The following RAB22A variants were observed in gnomAD, a reference collection of about 807,000 sequenced individuals.
The protein encoded by RAB22A is RAB22A, member RAS oncogene family.
RAB22A carries 13 observed loss-of-function variants against 30.2 expected under a neutral mutation model. The ratio of observed to expected loss-of-function variants is 0.43; its 90% CI spans 0.28 to 0.68. RAB22A has a LOEUF of 0.68. Among genes scored for constraint, RAB22A ranks in the 30% least tolerant of loss-of-function variants. The pLI, the probability that RAB22A is intolerant of heterozygous loss-of-function variation, is 0.18. For missense variants in RAB22A, 177 were observed against 246.8 expected, an observed-to-expected ratio of 0.72 and a Z score of 1.89; for synonymous variants, 89 against 87.2, an observed-to-expected ratio of 1.02 and a Z score of -0.11.
chr20:58,322,155 G>A (rs545476980), intron 2 of RAB22A, among the ~76,000 whole-genome samples: 1 of 152,254 alleles, frequency 6.6e-6, no homozygotes, highest in South Asian at 2.1e-4. Flanking sequence ...TCTCTCTTTT[G>A]TCCCTGGTAA....
intron 2 of RAB22A, among the ~76,000 whole-genome samples, chr20:58,321,382 T>C (rs1986457801): frequency 6.6e-6 from 1 of 151,960 alleles, no homozygotes; most frequent in African/African-American, 2.4e-5. Context: ...AAAAGTCTAT[T>C]GTGGTCAGAG....
intron 3 of RAB22A, among the ~76,000 whole-genome samples, chr20:58,347,804 C>CT (rs1335054378): frequency 6.6e-6 from 1 of 152,184 alleles, no homozygotes; most frequent in Non-Finnish European, 1.5e-5. Flanking sequence ...CAATTATCTC[C>CT]TTCAGTAACA....
chr20:58,314,617 G>T (rs1471954995), intron 2 of RAB22A, among the ~76,000 whole-genome samples: 1 of 152,062 alleles, frequency 6.6e-6, no homozygotes, highest in Non-Finnish European at 1.5e-5. Flanking sequence ...AAGACGGGTG[G>T]ATCACCTGAG....
chr20:58,359,948 G>T lies in RAB22A; in HGVS notation c.*245G>T. On this transcript the variant is annotated 3_prime_UTR_variant, in exon 7 of 7. Transcript: ENST00000244040. ...GACTACATCGTTGGCTTTTGACCTT[G>T]CTGAAAAGGAACATATAATTGTATG... 4.2e-6 allele frequency: 1 copy of T among 239,132 alleles called. No homozygotes were observed. The highest frequency in any genetic ancestry group is 8.1e-6 in the Non-Finnish European group (1 of 123,620). The allele number at this position is 239,132 out of a possible 1,614,324, so 14.8% of individuals were successfully genotyped here.
At chr20:58,353,227 T>C (rs746478019) in intron 3 of RAB22A, 46 bp from the exon 4 acceptor site, 3 of 1,521,998 alleles carry the variant, frequency 2.0e-6, no homozygotes, top group Non-Finnish European at 2.7e-6. Flanking sequence ...TAAAACATAT[T>C]TAACCAGTTT....
At chr20:58,341,848 T>C (rs953918023) in intron 2 of RAB22A, among the ~76,000 whole-genome samples, 4 of 152,212 alleles carry the variant, frequency 2.6e-5, no homozygotes, top group African/African-American at 7.2e-5. Flanking sequence ...TTCTTCTTCC[T>C]TTGAGCAGCC....
chr20:58,310,815 A>G lies in RAB22A; in HGVS notation c.37-228A>G, dbSNP rs140093133. 2.0e-3 allele frequency among the ~76,000 whole-genome samples: 310 copies of G among 152,350 alleles called. 1 individual carries two copies. The highest frequency in any genetic ancestry group is 7.2e-3 in the African/African-American group (298 of 41,580). ...CGAAGCAGAAACTTTGGGTCTCTCA[A>G]AAGGTCCTAATCTGTCTTAACGGCA... On this transcript the variant is annotated intron_variant, in intron 1 of 6. Transcript: ENST00000244040.
chr20:58,334,578 A>G (rs922647657), intron 2 of RAB22A, among the ~76,000 whole-genome samples: 5 of 151,924 alleles, frequency 3.3e-5, no homozygotes, highest in Non-Finnish European at 5.9e-5. Flanking sequence ...GGAAATGGGC[A>G]TGAGGAAACC....
At chr20:58,349,826 C>T (rs1191920742) in intron 3 of RAB22A, among the ~76,000 whole-genome samples, 1 of 152,190 alleles carries the variant, frequency 6.6e-6, no homozygotes, top group East Asian at 1.9e-4. Flanking sequence ...CCACACTGTC[C>T]AGTGGACAGT....
intron 2 of RAB22A, among the ~76,000 whole-genome samples, chr20:58,312,472 CTTTTTTTTTTTTTT>C (rs58198236): frequency 5.9e-4 from 23 of 38,746 alleles, no homozygotes; most frequent in Admixed American, 2.0e-3. Context: ...GGCTGGTTTT[CTTTTTTTTTTTTTT>C]TTTTTTTTTT....
At position 58,344,532 on chromosome 20, in the gene RAB22A, A is replaced by G. The variant is rs191677056; in HGVS notation, c.198+733A>G. ...CTGCCTCCCCTTTCCTCTGGGTACTAAGTCCAATTTCCCTTCCAAGGTGTC... is the reference window on the plus strand; with the variant it reads ...CTGCCTCCCCTTTCCTCTGGGTACTGAGTCCAATTTCCCTTCCAAGGTGTC... On this transcript the variant is annotated intron_variant, in intron 3 of 6. Transcript: ENST00000244040. 1.2e-3 allele frequency among the ~76,000 whole-genome samples: 176 copies of G among 152,216 alleles called. 1 individual carries two copies. The highest frequency in any genetic ancestry group is 4.2e-3 in the African/African-American group (174 of 41,532).
At chr20:58,337,015 T>C (rs1986768327) in intron 2 of RAB22A, among the ~76,000 whole-genome samples, 1 of 152,218 alleles carries the variant, frequency 6.6e-6, no homozygotes, top group Non-Finnish European at 1.5e-5. Flanking sequence ...ATCTTCTCCC[T>C]CAACTTTCTG....
At chr20:58,312,523 CT>C (rs1229170628) in intron 2 of RAB22A, among the ~76,000 whole-genome samples, 1 of 109,590 alleles carries the variant, frequency 9.1e-6, no homozygotes, top group African/African-American at 3.4e-5. Context: ...GAGTCTCGCT[CT>C]GTTGCCCAGG....
intron 2 of RAB22A, among the ~76,000 whole-genome samples, chr20:58,329,051 A>G (rs1032863331): frequency 3.3e-4 from 43 of 130,260 alleles, no homozygotes; most frequent in African/African-American, 1.2e-3. Context: ...TGCATTGCAT[A>G]TTCCCTTTTT....
At chr20:58,321,121 C>T (rs951471369) in intron 2 of RAB22A, among the ~76,000 whole-genome samples, 5 of 150,432 alleles carry the variant, frequency 3.3e-5, no homozygotes, top group East Asian at 2.0e-4. Context: ...ACCCTGGAGG[C>T]GGAGGTTGCA....
At chr20:58,322,310 C>T (rs1408230394) in intron 2 of RAB22A, among the ~76,000 whole-genome samples, 2 of 152,164 alleles carry the variant, frequency 1.3e-5, no homozygotes, top group Non-Finnish European at 2.9e-5. Flanking sequence ...ATTATAGGCT[C>T]TGCTTTTATA....
chr20:58,357,345 T>G (rs1318500946), intron 6 of RAB22A, among the ~76,000 whole-genome samples: 3 of 152,234 alleles, frequency 2.0e-5, no homozygotes, highest in Non-Finnish European at 2.9e-5. Context: ...TTATAGTTCT[T>G]TATTTTGGAG....
chr20:58,354,335 G>A, intron 6 of RAB22A, 70 bp downstream of exon 6: 1 of 1,082,818 alleles, frequency 9.2e-7, no homozygotes, highest in Non-Finnish European at 1.3e-6. Flanking sequence ...TTCCTGGTTA[G>A]AATTCCTGTC....
intron 2 of RAB22A, among the ~76,000 whole-genome samples, chr20:58,328,129 A>G (rs1986600526): frequency 6.6e-6 from 1 of 152,210 alleles, no homozygotes; most frequent in African/African-American, 2.4e-5. Context: ...GCAACTCACT[A>G]TCAAATGGGT....
Sources: gnomAD v4.1 joint callset for allele counts (sites outside exome capture counted in the v4.1 genomes callset) on GRCh38, gnomAD v4.1.1 for gene constraint, MANE v1.5 for transcripts, NCBI Gene and HGNC (gene_info 2026-07-23, HGNC 2026-07-21) for gene names.